SLC2A9: variants seen among roughly 807,000 people sequenced by gnomAD.
SLC2A9 encodes solute carrier family 2, facilitated glucose transporter member 9.
In SLC2A9, 39 loss-of-function variants were observed where a neutral mutation model predicts 50.6. The observed-to-expected ratio is 0.77, with a 90% CI of 0.60 to 1.01. The LOEUF (loss-of-function observed/expected upper bound fraction) is 1.01, where lower values mean the gene tolerates loss of function less well. Ranked by LOEUF, SLC2A9 falls within the 50% of genes least tolerant of loss-of-function variation. The pLI, the probability that SLC2A9 is intolerant of heterozygous loss-of-function variation, is 0.00. For missense variants in SLC2A9, 686 were observed against 677.6 expected, an observed-to-expected ratio of 1.01 and a Z score of -0.14; for synonymous variants, 324 against 276.9, an observed-to-expected ratio of 1.17 and a Z score of -1.69.
At chr4:9,934,894 G>A (rs1355685469) in intron 6 of SLC2A9, among the ~76,000 whole-genome samples, 1 of 152,176 alleles carries the variant, frequency 6.6e-6, no homozygotes, top group Non-Finnish European at 1.5e-5. Flanking sequence ...ACTTATGAGT[G>A]AGAGCATGCG....
At chr4:9,834,845 G>A (rs768161974) in intron 11 of SLC2A9, 36 bp downstream of exon 11, 12 of 1,613,946 alleles carry the variant, frequency 7.4e-6, no homozygotes, top group Non-Finnish European at 9.3e-6. Context: ...GAATCAAAGG[G>A]AACCCCATGG....
intron 10 of SLC2A9, among the ~76,000 whole-genome samples, chr4:9,876,238 A>G (rs62293284): frequency 0.12 from 18,457 of 152,148 alleles, 1,313 homozygotes; most frequent in African/African-American, 0.17. Flanking sequence ...GTTCGTCCCA[A>G]GGGGCCTCCA....
intron 10 of SLC2A9, among the ~76,000 whole-genome samples, chr4:9,842,095 C>T (rs1728172384): frequency 6.6e-6 from 1 of 151,704 alleles, no homozygotes; most frequent in African/African-American, 2.4e-5. Flanking sequence ...CATTTTTTTT[C>T]AATCTGTGTA....
chr4:9,999,647 C>A (rs1759412974), intron 2 of SLC2A9, among the ~76,000 whole-genome samples: 1 of 152,038 alleles, frequency 6.6e-6, no homozygotes, highest in Admixed American at 6.6e-5. Context: ...CAAGAAAGGG[C>A]AGGTCATGTG....
intron 4 of SLC2A9, 41 bp downstream of exon 4, chr4:9,985,628 G>A: frequency 6.2e-7 from 1 of 1,613,334 alleles, no homozygotes; most frequent in Non-Finnish European, 8.5e-7. Context: ...CACCCCCAAG[G>A]AGTATGTTAC....
upstream of SLC2A9, chr4:10,025,818 C>T: frequency 7.7e-7 from 1 of 1,306,120 alleles, no homozygotes; most frequent in Non-Finnish European, 1.1e-6. Flanking sequence ...CCTTAACAGC[C>T]TCCCACTGAC....
At chr4:10,006,351 G>A (rs1001302654) in intron 2 of SLC2A9, 1 of 152,214 alleles carries the variant, frequency 6.6e-6, no homozygotes, top group Non-Finnish European at 1.5e-5. Flanking sequence ...ACGATTCTCA[G>A]GAGTCCTGTA....
chr4:9,885,269 A>C (rs1577695613), intron 10 of SLC2A9, among the ~76,000 whole-genome samples: 1 of 152,178 alleles, frequency 6.6e-6, no homozygotes, highest in Admixed American at 6.5e-5. Flanking sequence ...CCAGCTTGGC[A>C]TACAACAGGT....
At chr4:9,841,853 G>T (rs887224195) in intron 10 of SLC2A9, among the ~76,000 whole-genome samples, 1 of 152,114 alleles carries the variant, frequency 6.6e-6, no homozygotes, top group Admixed American at 6.5e-5. Context: ...GGGCTGTTTG[G>T]GGGGAAGGTA....
At chr4:9,771,799 G>A (rs980302841) in intron 1 of SLC2A9, among the ~76,000 whole-genome samples, 1 of 152,204 alleles carries the variant, frequency 6.6e-6, no homozygotes, top group Non-Finnish European at 1.5e-5. Context: ...CATTGGTGTG[G>A]GGTTTGAAAT....
At chr4:9,866,511 C>G (rs1213235317) in intron 10 of SLC2A9, among the ~76,000 whole-genome samples, 1 of 152,152 alleles carries the variant, frequency 6.6e-6, no homozygotes, top group Non-Finnish European at 1.5e-5. Context: ...CCTGTTGATT[C>G]CATTCCAGTC....
chr4:9,854,510 A>G lies in SLC2A9; in HGVS notation c.1292-19502T>C, dbSNP rs547933870. 2.6e-5 allele frequency among the ~76,000 whole-genome samples: 4 copies of G among 152,314 alleles called. No homozygotes were observed. The South Asian group carries it at 8.3e-4, about 32-fold the overall frequency. ...AAGCTCAGGAACAGATGGATTCACA[A>G]CTGAATTCTACCAGATGCATAAAGA... On this transcript the variant is annotated intron_variant, in intron 10 of 11. Transcript: ENST00000264784.
At chr4:9,955,193 C>A (rs1275442118) in intron 5 of SLC2A9, among the ~76,000 whole-genome samples, 1 of 152,016 alleles carries the variant, frequency 6.6e-6, no homozygotes, top group Admixed American at 6.5e-5. Context: ...GGAAGCATAA[C>A]ATATAAAACT....
chr4:9,782,329 C>A (rs780559451), intron 3 of SLC2A9: 1 of 1,614,012 alleles, frequency 6.2e-7, no homozygotes, highest in South Asian at 1.1e-5. Flanking sequence ...GGAAGGCAGT[C>A]GCCGAGGTGG....
intron 8 of SLC2A9, among the ~76,000 whole-genome samples, chr4:9,901,716 T>C (rs913937213): frequency 3.3e-5 from 5 of 150,236 alleles, no homozygotes; most frequent in African/African-American, 7.3e-5. Context: ...AGCCACATCC[T>C]TGCCCCTGCC....
chr4:10,020,039 A>AGAGT (rs1763315063), intron 1 of SLC2A9, among the ~76,000 whole-genome samples: 1 of 147,982 alleles, frequency 6.8e-6, no homozygotes, highest in African/African-American at 2.5e-5. Context: ...CATATTTGTG[A>AGAGT]GTGTGTGTGT....
chr4:10,026,535 A>C (rs1336743097), intron 1 of SLC2A9, among the ~76,000 whole-genome samples: 2 of 152,224 alleles, frequency 1.3e-5, no homozygotes, highest in Non-Finnish European at 2.9e-5. Flanking sequence ...GACTGAAAGC[A>C]GCTGCTCAAA....
chr4:9,804,938 C>T (rs1267743938), intron 3 of SLC2A9, among the ~76,000 whole-genome samples: 1 of 152,160 alleles, frequency 6.6e-6, no homozygotes, highest in East Asian at 1.9e-4. Context: ...TTGTTAGGGA[C>T]AGCAGGAGGC....
chr4:9,867,123 C>T (rs1732620606), intron 10 of SLC2A9, among the ~76,000 whole-genome samples: 1 of 152,198 alleles, frequency 6.6e-6, no homozygotes, highest in Admixed American at 6.5e-5. Context: ...ACTTTTCCAT[C>T]CTAGCAGTTT....
Sources: gnomAD v4.1 joint callset for allele counts (sites outside exome capture counted in the v4.1 genomes callset) on GRCh38, gnomAD v4.1.1 for gene constraint, MANE v1.5 for transcripts, NCBI Gene and HGNC (gene_info 2026-07-23, HGNC 2026-07-21) for gene names.